Variants in ELF4 observed in about 807,000 individuals in gnomAD.
ELF4 encodes the protein ETS-related transcription factor Elf-4.
ELF4 carries 10 observed loss-of-function variants against 31.7 expected under a neutral mutation model. The observed-to-expected ratio is 0.32, with a 90% confidence interval of 0.19 to 0.54. The LOEUF is 0.54. Among genes scored for constraint, ELF4 ranks in the 20% least tolerant of loss-of-function variants. ELF4 has a pLI of 0.95. For missense variants in ELF4, 418 were observed against 522.0 expected, an observed-to-expected ratio of 0.80 and a Z score of 1.94; for synonymous variants, 208 against 226.7, an observed-to-expected ratio of 0.92 and a Z score of 0.74.
rs748643492 is a variant in ELF4, at chrX:130,070,771, C to CAAA, written c.809+266_809+268dup. On this transcript the variant is annotated intron_variant, in intron 7 of 8. Transcript: ENST00000308167. ...TGGGTGACAGAGCAAGACTCCATCTCAAAAAAAAAAAAAAAAAAAGAAAGA... is the reference window on the plus strand; with the variant it reads ...TGGGTGACAGAGCAAGACTCCATCTCAAAAAAAAAAAAAAAAAAAAAAGAAAGA... Among the ~76,000 whole-genome samples the CAAA allele has an allele frequency of 3.3e-3, 79 of 24,017 alleles. 1 individual carries two copies. Among genetic ancestry groups the CAAA allele is most frequent in the Non-Finnish European group, 4.1e-3 (57 of 13,884 alleles). The allele number at this position is 24,017 out of a possible 115,157, so 20.9% of individuals were successfully genotyped here. A position where few individuals can be genotyped will look rare whatever the true frequency, so the allele number is the denominator to read the frequency against.
At chrX:130,102,948 A>AAGGAAGGGAGGG (rs750203473) in intron 1 of ELF4, among the ~76,000 whole-genome samples, 1 of 50,326 alleles carries the variant, frequency 2.0e-5, no homozygotes, top group Non-Finnish European at 3.6e-5. Flanking sequence ...GGGAGGAAGG[A>AAGGAAGGGAGGG]AGGAAGGGAG....
intron 4 of ELF4, among the ~76,000 whole-genome samples, chrX:130,073,836 C>T (rs1169753290): frequency 2.7e-5 from 3 of 112,666 alleles, no homozygotes; most frequent in Non-Finnish European, 5.6e-5. Context: ...AATTCTGACA[C>T]GTGCTACAAC....
chrX:130,081,131 G>A (rs958532356), intron 2 of ELF4, 125 bp downstream of exon 2: 1 of 829,833 alleles, frequency 1.2e-6, no homozygotes. Flanking sequence ...CATAGTAGGT[G>A]CTTGATGGAT....
chrX:130,087,143 A>G (rs1932974334), intron 1 of ELF4, among the ~76,000 whole-genome samples: 1 of 112,927 alleles, frequency 8.9e-6, no homozygotes, highest in African/African-American at 3.2e-5. Context: ...CGGCCACCAC[A>G]TCACCATCTC....
intron 1 of ELF4, among the ~76,000 whole-genome samples, chrX:130,098,024 C>T (rs1207938892): frequency 8.9e-6 from 1 of 112,228 alleles, no homozygotes; most frequent in Non-Finnish European, 1.9e-5. Context: ...CAGCCGGCTG[C>T]CCCCGCCCTG....
At chrX:130,094,873 C>T (rs188387122) in intron 1 of ELF4, among the ~76,000 whole-genome samples, 2 of 111,321 alleles carry the variant, frequency 1.8e-5, no homozygotes, top group East Asian at 2.9e-4. Flanking sequence ...TCAAAGCTGG[C>T]GGCACGTGTT....
At chrX:130,095,267 C>T (rs376676103) in intron 1 of ELF4, among the ~76,000 whole-genome samples, 11 of 112,180 alleles carry the variant, frequency 9.8e-5, no homozygotes, top group African/African-American at 3.6e-4. Flanking sequence ...TTTCCAACTA[C>T]TACACACAAT....
At chrX:130,091,721 TGAGTTCTGCCCATGATGTGACCTC>T (rs1933060052) in intron 1 of ELF4, among the ~76,000 whole-genome samples, 1 of 111,747 alleles carries the variant, frequency 8.9e-6, no homozygotes, top group South Asian at 3.7e-4. Context: ...TTAGGAGACG[TGAGTTCTGCCCATGATGTGACCTC>T]GAGCAGGTCA....
intron 8 of ELF4, 65 bp downstream of exon 8, chrX:130,069,235 A>AAAAGAAAAC: frequency 8.4e-7 from 1 of 1,194,990 alleles, no homozygotes; most frequent in Non-Finnish European, 1.1e-6. Context: ...AAAAAAAAAA[A>AAAAGAAAAC]AAAGAAAACT....
At chrX:130,084,091 A>G (rs1421143482) in intron 1 of ELF4, among the ~76,000 whole-genome samples, 2 of 112,108 alleles carry the variant, frequency 1.8e-5, no homozygotes, top group Non-Finnish European at 3.8e-5. Context: ...CACTGTAGGT[A>G]TATGTGTGTG....
In ELF4 at chrX:130,065,384, G is replaced by C. The variant is rs186256045; in HGVS notation, c.*1337C>G. ...AGGGGGAAGCAGGGAGCCACGAAGAGAGAGAGGTGCCACGGGAACTCCTGG... is the reference window on the plus strand; with the variant it reads ...AGGGGGAAGCAGGGAGCCACGAAGACAGAGAGGTGCCACGGGAACTCCTGG... On this transcript the variant is annotated 3_prime_UTR_variant, in exon 9 of 9. Transcript: ENST00000308167. 7.6e-4 allele frequency: 133 copies of C among 174,104 alleles called. No individual in the cohort carries two copies. The highest frequency in any genetic ancestry group is 1.2e-3 in the Non-Finnish European group (109 of 91,375). 14.3% of individuals were successfully genotyped at this position (174,104 alleles called of 1,213,427 possible).
At chrX:130,092,273 C>G (rs999325085) in intron 1 of ELF4, among the ~76,000 whole-genome samples, 1 of 113,433 alleles carries the variant, frequency 8.8e-6, no homozygotes, top group Non-Finnish European at 1.9e-5. Context: ...TCTGCCACTT[C>G]CTGTCCCAGG....
At position 130,069,681 on chromosome X, in the gene ELF4, G is replaced by C. The variant is rs201532114; in HGVS notation, c.810-4C>G. On this transcript the variant is annotated splice_polypyrimidine_tract_variant and splice_region_variant and intron_variant, in intron 7 of 8. Transcript: ENST00000308167. ...TATGCCTCTTTGGTAGTAGTATCTA[G>C]AGGAAGAGGGGCAGGGAGTTGGGAG... The C allele has an allele frequency of 4.7e-4, 567 of 1,209,878 alleles. No individual in the cohort carries two copies. Among genetic ancestry groups the C allele is most frequent in the Non-Finnish European group, 6.0e-4 (540 of 895,355 alleles).
intron 1 of ELF4, among the ~76,000 whole-genome samples, chrX:130,088,975 G>A (rs1039978073): frequency 2.4e-4 from 27 of 111,246 alleles, no homozygotes; most frequent in Non-Finnish European, 5.1e-4. Context: ...CCTCCCAAAT[G>A]CGCCCTTCTG....
chrX:130,090,713 G>A (rs1262459382), intron 1 of ELF4, among the ~76,000 whole-genome samples: 1 of 112,333 alleles, frequency 8.9e-6, no homozygotes, highest in Non-Finnish European at 1.9e-5. Flanking sequence ...CCAGCCCTGC[G>A]GTCCATTTTT....
intron 1 of ELF4, among the ~76,000 whole-genome samples, chrX:130,104,691 C>A (rs993843117): frequency 8.9e-6 from 1 of 112,032 alleles, no homozygotes; most frequent in African/African-American, 3.3e-5. Context: ...AGTCACACAG[C>A]CAGTAAGTTT....
chrX:130,068,235 T>C (rs1932734102), intron 8 of ELF4, among the ~76,000 whole-genome samples: 1 of 112,555 alleles, frequency 8.9e-6, no homozygotes, highest in Non-Finnish European at 1.9e-5. Flanking sequence ...ACAATCTGAT[T>C]TTACAGCTTG....
chrX:130,084,995 A>C (rs1357888557), intron 1 of ELF4, among the ~76,000 whole-genome samples: 2 of 112,343 alleles, frequency 1.8e-5, no homozygotes, highest in African/African-American at 6.5e-5. Flanking sequence ...AGAGCCCTGG[A>C]TGCTGCCTCC....
At chrX:130,111,065 C>CCCGG (rs1233281614), upstream of ELF4, among the ~76,000 whole-genome samples, 1 of 105,209 alleles carries the variant, frequency 9.5e-6, no homozygotes, top group Non-Finnish European at 2.0e-5. Context: ...GCCCGTCCGC[C>CCCGG]CCGGCCCGCC....
Sources: allele counts gnomAD v4.1 joint callset (sites outside exome capture counted in the v4.1 genomes callset), GRCh38; gene constraint gnomAD v4.1.1; transcripts MANE v1.5; gene names NCBI Gene and HGNC (gene_info 2026-07-23, HGNC 2026-07-21).